Variants in LRRC74A observed in about 807,000 individuals in gnomAD.
LRRC74A encodes leucine-rich repeat-containing protein 74A.
In LRRC74A, 44 loss-of-function variants were observed where a neutral mutation model predicts 57.9. The ratio of observed to expected loss-of-function variants is 0.76; its 90% CI spans 0.60 to 0.98. LRRC74A has a LOEUF of 0.98. LRRC74A is among the 50% of genes least tolerant of loss of function. The pLI is 0.00. For synonymous variants in LRRC74A, 211 were observed against 219.4 expected (o/e 0.96, Z 0.34); for missense variants, 572 against 574.0 (o/e 1.00, Z 0.04).
In LRRC74A at chr14:76,853,267, G is replaced by C; in HGVS notation, c.814G>C (p.Glu272Gln). The C allele has an allele frequency of 6.2e-7, 1 of 1,613,706 alleles. No homozygotes were observed. The highest frequency in any genetic ancestry group is 1.1e-5 in the South Asian group (1 of 91,068). ...LDLSMNGFGN[E>Q]VALALGEVLR... is the part of the protein sequence containing the mutation. ...TCTCTCCATGAATGGCTTTGGGAAT[G>C]AGGTGGCTCTGGCCCTAGGGGAAGT... Residue 272 changes from glutamate (E) to glutamine (Q), a missense_variant, in exon 9 of 14, where the codon GAG becomes CAG. Transcript: ENST00000689127.
intron 13 of LRRC74A, among the ~76,000 whole-genome samples, chr14:76,868,790 T>C (rs1292163306): frequency 2.6e-5 from 4 of 152,216 alleles, no homozygotes; most frequent in Non-Finnish European, 4.4e-5. Flanking sequence ...GAAACCGCGA[T>C]GCAGACAAGA....
intron 10 of LRRC74A, among the ~76,000 whole-genome samples, chr14:76,858,036 T>C (rs1192185556): frequency 6.6e-6 from 1 of 152,222 alleles, no homozygotes; most frequent in Non-Finnish European, 1.5e-5. Flanking sequence ...AGCCTATACT[T>C]GTCTACCATT....
intron 7 of LRRC74A, among the ~76,000 whole-genome samples, chr14:76,849,671 C>T (rs1333493642): frequency 2.0e-5 from 3 of 148,014 alleles, no homozygotes; most frequent in African/African-American, 7.4e-5. Flanking sequence ...GACGTGGTGA[C>T]TTGGGTGTAT....
Position 76,826,452 on chromosome 14 carries a change from TG to T in LRRC74A, c.-244del. ...AGCAGTCCCACTCTCCCAGATGAGCTGGAGAAGTAGCTACCTCTCCCAGACA... is the reference window on the plus strand; with the variant it reads ...AGCAGTCCCACTCTCCCAGATGAGCTGAGAAGTAGCTACCTCTCCCAGACA... On this transcript the variant is annotated 5_prime_UTR_variant, in exon 1 of 14. The change creates a premature stop within an existing upstream ORF in the 5' untranslated region. Coordinates refer to ENST00000689127, the MANE Select transcript of LRRC74A (RefSeq NM_001385106.1). 7.2e-7 allele frequency: 1 copy of T among 1,390,098 alleles called. No individual in the cohort carries two copies. The highest frequency in any genetic ancestry group is 9.9e-7 in the Non-Finnish European group (1 of 1,012,678). 86.1% of individuals were successfully genotyped at this position (1,390,098 alleles called of 1,614,324 possible). A position where few individuals can be genotyped will look rare whatever the true frequency, so the allele number is the denominator to read the frequency against.
At chr14:76,856,445 T>C (rs988589615) in intron 9 of LRRC74A, among the ~76,000 whole-genome samples, 2 of 152,236 alleles carry the variant, frequency 1.3e-5, no homozygotes. Flanking sequence ...TGTCTGCCTG[T>C]GTGTCCCTCA....
chr14:76,865,818 G>C (rs1472037848), intron 11 of LRRC74A, 150 bp from the exon 12 acceptor site: 1 of 618,146 alleles, frequency 1.6e-6, no homozygotes, highest in Non-Finnish European at 2.9e-6. Flanking sequence ...CCAACACCCG[G>C]GAGACGCAGG....
rs781699597 is a variant in LRRC74A at position 76,826,709 on chromosome 14, C to T, written c.12C>T (p.Asp4=). The T allele has an allele frequency of 1.1e-5, 17 of 1,537,100 alleles. No individual in the cohort carries two copies. The highest frequency in any genetic ancestry group is 1.7e-4 in the Middle Eastern group (1 of 5,866). ...AGGGTCCTGGCACCATGGACAATGA[C>T]AAGCCTCTTCAGCCTGAGACAGAAG... MDN[D]KPLQPETEDE... is the part of the protein sequence containing the mutation. The change falls in exon 1 of 14, where the codon GAC becomes GAT. Residue 4 remains aspartate (D), a synonymous_variant. Transcript: ENST00000689127.
At chr14:76,862,447 TCGA>T (rs1898385890) in intron 11 of LRRC74A, among the ~76,000 whole-genome samples, 1 of 194 alleles carries the variant, frequency 5.2e-3, no homozygotes, top group Non-Finnish European at 0.029. Context: ...CAAGAATCGC[TCGA>T]CGCTTGAACC....
rs777313129 is a variant in LRRC74A at position 76,860,810 on chromosome 14, T to C, written c.1171T>C (p.Leu391=). The C allele has an allele frequency of 6.2e-7, 1 of 1,611,136 alleles. No homozygotes were observed. Among genetic ancestry groups the C allele is most frequent in the Non-Finnish European group, 8.5e-7 (1 of 1,178,222 alleles). Residue 391 remains leucine, a synonymous_variant, in exon 11 of 14, where the codon TTG becomes CTG. Transcript: ENST00000689127. The stretch of plus-strand genomic sequence containing the variant: ...CCTCTCTCCCAAGAAAACCATCTTC[T>C]TGTTGACAAACCCCATGAAACTGAT... ...QGLSPKKTIF[L]LTNPMKLIQS...
rs138653406 is a variant in LRRC74A at position 76,848,308 on chromosome 14, A to AAAAT, written c.676+3439_676+3442dup. 6.6e-3 allele frequency among the ~76,000 whole-genome samples: 963 copies of AAAAT among 146,154 alleles called. 18 individuals carry two copies. Among genetic ancestry groups the AAAAT allele is most frequent in the African/African-American group, 0.021 (816 of 39,790 alleles). The stretch of plus-strand genomic sequence containing the variant: ...AAAATAAAATAAAATATTACTTTCA[A>AAAAT]AAATAAATAAATAAATAAATAAATA... On this transcript the variant is annotated intron_variant, in intron 7 of 13. Transcript: ENST00000689127.
chr14:76,838,986 G>A (rs564908721), intron 5 of LRRC74A, among the ~76,000 whole-genome samples: 15 of 152,286 alleles, frequency 9.8e-5, no homozygotes, highest in African/African-American at 2.9e-4. Context: ...ATATGTCTTG[G>A]ATTTCTTTCT....
chr14:76,863,321 G>C (rs1315335357), intron 11 of LRRC74A, among the ~76,000 whole-genome samples: 1 of 152,042 alleles, frequency 6.6e-6, no homozygotes, highest in Non-Finnish European at 1.5e-5. Context: ...GTGCAGATGG[G>C]GAAAGTGCCT....
chr14:76,859,060 G>A (rs751051839), intron 10 of LRRC74A, among the ~76,000 whole-genome samples: 2 of 151,930 alleles, frequency 1.3e-5, no homozygotes, highest in Non-Finnish European at 2.9e-5. Context: ...GTGCTTCCTG[G>A]CTCTTCCTTC....
rs116891456 is a variant in LRRC74A at position 76,856,558 on chromosome 14, G to A, written c.958-822G>A. ...TGGATGGATGGATGGATGGATGAGC[G>A]GTGAGATGAACAGATTGCTGGCTGG... On this transcript the variant is annotated intron_variant, in intron 9 of 13. Transcript: ENST00000689127. Among the ~76,000 whole-genome samples, 680 of 143,610 alleles carry A rather than the reference G, an allele frequency of 4.7e-3. 4 individuals carry two copies. Among genetic ancestry groups the A allele is most frequent in the African/African-American group, 8.8e-3 (341 of 38,862 alleles). 94.2% of individuals were successfully genotyped at this position (143,610 alleles called of 152,430 possible).
rs570642339 is a variant in LRRC74A, at chr14:76,831,041, T to G, written c.167-162T>G. Among the ~76,000 whole-genome samples the G allele has an allele frequency of 6.6e-5, 10 of 152,352 alleles. No individual in the cohort carries two copies. In the South Asian group the frequency reaches 2.1e-3, roughly 32 times the overall value. ...GAGTTAGAGTCTCCCTCTCCCACCA[T>G]GGACTGACTTCCCAGACAGGAGCAG... On this transcript the variant is annotated intron_variant, in intron 2 of 13. Transcript: ENST00000689127.
At chr14:76,853,524 C>G (rs940579739) in intron 9 of LRRC74A, 114 bp downstream of exon 9, 1 of 996,766 alleles carries the variant, frequency 1.0e-6, no homozygotes, top group Non-Finnish European at 1.5e-6. Context: ...TTGGGAATAT[C>G]TGTACTTCAT....
chr14:76,868,402 G>A (rs1899125935), intron 13 of LRRC74A, among the ~76,000 whole-genome samples: 1 of 152,246 alleles, frequency 6.6e-6, no homozygotes, highest in Admixed American at 6.5e-5. Flanking sequence ...TCAGGAGGCA[G>A]AGGCTACAGC....
intron 8 of LRRC74A, 60 bp from the exon 9 acceptor site, chr14:76,853,156 T>A: frequency 1.3e-6 from 2 of 1,486,736 alleles, no homozygotes; most frequent in Admixed American, 3.6e-5. Flanking sequence ...TCGGGACCCT[T>A]TTGGTTGGAT....
Position 76,836,217 on chromosome 14 carries a change from C to A in LRRC74A, c.350C>A (p.Ala117Asp). The A allele has an allele frequency of 6.2e-7, 1 of 1,613,350 alleles. No individual in the cohort carries two copies. Among genetic ancestry groups the A allele is most frequent in the Admixed American group, 1.7e-5 (1 of 60,008 alleles). ...AIAIALVSNM[A>D]VTKLELEDNC... ...TTGTGCTGGCTGAAGTCCAACATGG[C>A]TGTTACCAAACTGGAGCTGGAAGAC... The change falls in exon 4 of 14, where the codon GCT becomes GAT. Residue 117 changes from alanine to aspartate, a missense_variant. Coordinates refer to ENST00000689127, the MANE Select transcript of LRRC74A (RefSeq NM_001385106.1).
Sources: allele counts gnomAD v4.1 joint callset (sites outside exome capture counted in the v4.1 genomes callset), GRCh38; gene constraint gnomAD v4.1.1; transcripts MANE v1.5; gene names NCBI Gene and HGNC (gene_info 2026-07-23, HGNC 2026-07-21).